Variants in TLN2 observed in about 807,000 individuals in gnomAD.
The protein encoded by TLN2 is talin 2.
A neutral mutation model predicts 294.7 loss-of-function variants in TLN2; 118 were observed. The ratio of observed to expected loss-of-function variants is 0.40; its 90% CI spans 0.34 to 0.47. TLN2 has a LOEUF of 0.47. TLN2 is among the 20% of genes least tolerant of loss of function. The pLI, the probability that TLN2 is intolerant of heterozygous loss-of-function variation, is 0.84. For synonymous variants in TLN2, 1,431 were observed against 1,304.5 expected (o/e 1.10, Z -2.09); for missense variants, 3,083 against 3,282.2 (o/e 0.94, Z 1.48).
intron 2 of TLN2, among the ~76,000 whole-genome samples, chr15:62,605,375 G>A (rs1476842825): frequency 2.0e-5 from 3 of 152,180 alleles, no homozygotes; most frequent in Admixed American, 2.0e-4. Context: ...TAAAAGCGAT[G>A]AGCTTCTTGT....
chr15:62,825,227 C>T (rs528867247), intron 54 of TLN2, among the ~76,000 whole-genome samples: 7 of 152,254 alleles, frequency 4.6e-5, no homozygotes, highest in South Asian at 4.2e-4. Flanking sequence ...TAGAGAACAC[C>T]GGCTTTGGTT....
chr15:62,611,793 T>C (rs373271472), intron 2 of TLN2, among the ~76,000 whole-genome samples: 2 of 152,300 alleles, frequency 1.3e-5, no homozygotes, highest in East Asian at 3.9e-4. Flanking sequence ...ACTAGCCACA[T>C]GGTCAGGAGC....
chr15:62,617,189 T>G (rs886743688), intron 2 of TLN2, among the ~76,000 whole-genome samples: 5 of 152,122 alleles, frequency 3.3e-5, no homozygotes, highest in African/African-American at 9.6e-5. Flanking sequence ...CCTGTCATCT[T>G]TATGCATTTG....
chr15:62,782,695 T>C (rs1301606196), intron 44 of TLN2, among the ~76,000 whole-genome samples: 1 of 152,224 alleles, frequency 6.6e-6, no homozygotes, highest in African/African-American at 2.4e-5. Context: ...TGCAGCTCAG[T>C]GTGCGTTCCT....
At chr15:62,836,790 T>C (rs1053121542) in intron 57 of TLN2, among the ~76,000 whole-genome samples, 30 of 152,362 alleles carry the variant, frequency 2.0e-4, no homozygotes, top group African/African-American at 6.5e-4. Flanking sequence ...AACGTTATCA[T>C]TGCTTTCTGT....
intron 1 of TLN2, among the ~76,000 whole-genome samples, chr15:62,544,357 C>T (rs1298394732): frequency 6.6e-6 from 1 of 152,148 alleles, no homozygotes; most frequent in Non-Finnish European, 1.5e-5. Context: ...GTCTCTGCCT[C>T]CTGTGGGGCA....
At chr15:62,496,841 G>A (rs1595939315) in intron 1 of TLN2, among the ~76,000 whole-genome samples, 2 of 152,156 alleles carry the variant, frequency 1.3e-5, no homozygotes, top group South Asian at 2.1e-4. Context: ...CACATCAATG[G>A]CATTCATTTA....
rs113980818 is a variant in TLN2 at position 62,461,186 on chromosome 15, C to T, written c.-238+70501C>T. On this transcript the variant is annotated intron_variant, in intron 1 of 58. Transcript: ENST00000636159. ...GCTGGTCTCGAACTTCCTCGTGATC[C>T]GCCTGCGTCGGCCTCCCAAAATGCT... 3.1e-3 allele frequency among the ~76,000 whole-genome samples: 470 copies of T among 152,204 alleles called. 3 individuals are homozygous for T. Among genetic ancestry groups the T allele is most frequent in the African/African-American group, 0.011 (439 of 41,528 alleles).
At chr15:62,816,868 G>T (rs1472719525) in intron 52 of TLN2, among the ~76,000 whole-genome samples, 2 of 152,108 alleles carry the variant, frequency 1.3e-5, no homozygotes, top group Admixed American at 6.5e-5. Flanking sequence ...GACAAATATG[G>T]TACAAGCCTT....
intron 32 of TLN2, among the ~76,000 whole-genome samples, chr15:62,742,366 T>C (rs1416625113): frequency 6.6e-6 from 1 of 152,138 alleles, no homozygotes; most frequent in Non-Finnish European, 1.5e-5. Context: ...AGCCTTTGGA[T>C]AAGGCAACTG....
At chr15:62,562,530 C>CATTCATTTATTTATTTATTT (rs143901199) in intron 1 of TLN2, among the ~76,000 whole-genome samples, 2 of 150,116 alleles carry the variant, frequency 1.3e-5, no homozygotes, top group African/African-American at 4.9e-5. Flanking sequence ...ATCTCTCCTC[C>CATTCATTTATTTATTTATTT]ATTTATTTAT....
chr15:62,741,510 T>C (rs1410359471), intron 32 of TLN2, among the ~76,000 whole-genome samples: 2 of 152,266 alleles, frequency 1.3e-5, no homozygotes, highest in Non-Finnish European at 2.9e-5. Flanking sequence ...TCTTTCATTT[T>C]CCTGAACCCA....
Position 62,761,830 on chromosome 15 carries a change from T to C in TLN2, c.4779+9T>C. ...CCCAGATCAGCTCCGAGGTAGGGAG[T>C]GTTTACAGGAACATCATACTAAGGT... On this transcript the variant is annotated intron_variant, in intron 38 of 58. Coordinates refer to ENST00000636159, the MANE Select transcript of TLN2 (RefSeq NM_015059.3). 6.2e-7 allele frequency: 1 copy of C among 1,613,618 alleles called. No homozygotes were observed. Among genetic ancestry groups the C allele is most frequent in the South Asian group, 1.1e-5 (1 of 91,036 alleles).
At chr15:62,776,992 C>A in intron 43 of TLN2, 82 bp downstream of exon 43, 1 of 1,262,198 alleles carries the variant, frequency 7.9e-7, no homozygotes, top group Non-Finnish European at 1.0e-6. Flanking sequence ...GCTGTCAAGG[C>A]TCATAGCAAC....
intron 1 of TLN2, among the ~76,000 whole-genome samples, chr15:62,469,436 G>A (rs1192907033): frequency 6.6e-6 from 1 of 152,232 alleles, no homozygotes; most frequent in African/African-American, 2.4e-5. Context: ...CCCAAAAGCT[G>A]TTCTTTATAA....
rs2052417049 is a variant in TLN2 at position 62,650,135 on chromosome 15, G to T, written c.188G>T (p.Trp63Leu). 1.9e-6 allele frequency: 3 copies of T among 1,613,970 alleles called. No homozygotes were observed. Among genetic ancestry groups the T allele is most frequent in the Non-Finnish European group, 2.5e-6 (3 of 1,180,012 alleles). The change falls in exon 5 of 59, where the codon TGG becomes TTG. Residue 63 changes from tryptophan to leucine, a missense_variant. Physicochemically the swap from Trp to Leu is moderately conservative, Grantham distance 61. Coordinates refer to ENST00000636159, the MANE Select transcript of TLN2 (RefSeq NM_015059.3). ...GATGAAGACCCGAGGAAAGGGATTTGGCTGGAAGCGGGCAGAACACTGGAT... is the reference window on the plus strand; with the variant it reads ...GATGAAGACCCGAGGAAAGGGATTTTGCTGGAAGCGGGCAGAACACTGGAT... ...LSDEDPRKGIWLEAGRTLDYY... is the reference protein window; with the variant it reads ...LSDEDPRKGILLEAGRTLDYY...
At chr15:62,799,728 A>C (rs1012604912) in intron 48 of TLN2, among the ~76,000 whole-genome samples, 1 of 152,268 alleles carries the variant, frequency 6.6e-6, no homozygotes, top group Non-Finnish European at 1.5e-5. Flanking sequence ...GCTGTAAATA[A>C]AACGGCAACC....
At chr15:62,581,429 A>T (rs2045015176) in intron 1 of TLN2, among the ~76,000 whole-genome samples, 1 of 152,186 alleles carries the variant, frequency 6.6e-6, no homozygotes, top group African/African-American at 2.4e-5. Context: ...AGAAAAACTC[A>T]AGTAGTTGAT....
chr15:62,679,047 T>C (rs977402456), intron 11 of TLN2, among the ~76,000 whole-genome samples: 1 of 125,380 alleles, frequency 8.0e-6, no homozygotes, highest in Non-Finnish European at 1.8e-5. Flanking sequence ...TTTTTTTTTT[T>C]ACTTTTTACT....
Sources: allele counts gnomAD v4.1 joint callset (sites outside exome capture counted in the v4.1 genomes callset), GRCh38; gene constraint gnomAD v4.1.1; transcripts MANE v1.5; gene names NCBI Gene and HGNC (gene_info 2026-07-23, HGNC 2026-07-21).